Variants in CSMD1 observed in about 807,000 individuals in gnomAD.
CSMD1 encodes CUB and Sushi multiple domains 1.
In CSMD1, 213 loss-of-function variants were observed where a neutral mutation model predicts 417.5. The ratio of observed to expected loss-of-function variants is 0.51; its 90% CI spans 0.46 to 0.57. CSMD1 has a LOEUF of 0.57. Ranked by LOEUF, CSMD1 falls within the 20% of genes least tolerant of loss-of-function variation. The probability of loss-of-function intolerance (pLI) is 0.00; values close to 1 mark genes in which losing one functional copy is unlikely to be tolerated. For synonymous variants in CSMD1, 2,862 were observed against 1,736.8 expected, an observed-to-expected ratio of 1.65 and a Z score of -16.11; for missense variants, 6,923 against 4,529.7, an observed-to-expected ratio of 1.53 and a Z score of -15.17.
chr8:4,693,042 C>G (rs1451427713), intron 1 of CSMD1, among the ~76,000 whole-genome samples: 1 of 152,194 alleles, frequency 6.6e-6, no homozygotes, highest in African/African-American at 2.4e-5. Flanking sequence ...CCAATCTTCT[C>G]TGGGTGCTGT....
intron 5 of CSMD1, among the ~76,000 whole-genome samples, chr8:3,813,368 TA>T (rs1427820751): frequency 6.6e-6 from 1 of 152,152 alleles, no homozygotes; most frequent in Non-Finnish European, 1.5e-5. Flanking sequence ...TGATGTGAAG[TA>T]AATAAACAGT....
intron 3 of CSMD1, among the ~76,000 whole-genome samples, chr8:4,295,769 T>TATATATATATATAC: frequency 5.3e-5 from 2 of 37,404 alleles, no homozygotes; most frequent in South Asian, 4.4e-3. Context: ...TATATATATA[T>TATATATATATATAC]ATATATATAT....
chr8:3,217,860 A>AT (rs1443744542), intron 29 of CSMD1, among the ~76,000 whole-genome samples: 1 of 152,130 alleles, frequency 6.6e-6, no homozygotes, highest in Non-Finnish European at 1.5e-5. Context: ...TTTTAAAAAG[A>AT]TTTTTCACAC....
At chr8:3,041,207 A>G (rs1380003899) in intron 50 of CSMD1, among the ~76,000 whole-genome samples, 2 of 152,216 alleles carry the variant, frequency 1.3e-5, no homozygotes, top group Non-Finnish European at 2.9e-5. Context: ...GTTAAAGCAA[A>G]TAATTTAGAA....
Position 2,938,825 on chromosome 8 carries a change from C to A in CSMD1, c.10536-81G>T, listed in dbSNP as rs1420273928. 3 of 1,278,146 alleles carry A rather than the reference C, an allele frequency of 2.3e-6. No individual in the cohort carries two copies. In the South Asian group the frequency reaches 4.2e-5, roughly 18 times the overall value. The allele number at this position is 1,278,146 out of a possible 1,614,324, so 79.2% of individuals were successfully genotyped here. A position where few individuals can be genotyped will look rare whatever the true frequency, so the allele number is the denominator to read the frequency against. On this transcript the variant is annotated intron_variant, in intron 69 of 69. Coordinates refer to ENST00000635120, the MANE Select transcript of CSMD1 (RefSeq NM_033225.6). Reference sequence around the variant, plus strand: ...AGCTGGGACTGTGTGCAGGAGACAACGTCTACAGAGCAGGGAGCAGTATAG... The same window carrying A: ...AGCTGGGACTGTGTGCAGGAGACAAAGTCTACAGAGCAGGGAGCAGTATAG...
At chr8:2,941,094 T>C (rs561487580) in intron 69 of CSMD1, among the ~76,000 whole-genome samples, 1 of 152,312 alleles carries the variant, frequency 6.6e-6, no homozygotes, top group South Asian at 2.1e-4. Context: ...CTTGTGTGTA[T>C]TGGGTATTTT....
chr8:4,804,232 T>C (rs1306899822), intron 1 of CSMD1, among the ~76,000 whole-genome samples: 2 of 152,150 alleles, frequency 1.3e-5, no homozygotes, highest in African/African-American at 2.4e-5. Flanking sequence ...TGAGTTAAAA[T>C]ACACCTTCTA....
At chr8:3,295,860 C>A (rs7825824) in intron 25 of CSMD1, among the ~76,000 whole-genome samples, 1 of 152,090 alleles carries the variant, frequency 6.6e-6, no homozygotes, top group African/African-American at 2.4e-5. Context: ...AAGACGTTCC[C>A]TTTTTGATTT....
intron 3 of CSMD1, among the ~76,000 whole-genome samples, chr8:4,065,609 G>A (rs183116354): frequency 4.6e-5 from 7 of 152,190 alleles, no homozygotes; most frequent in African/African-American, 1.7e-4. Context: ...ATGTAAAGGA[G>A]ACTCATGAAT....
intron 5 of CSMD1, among the ~76,000 whole-genome samples, chr8:3,829,542 G>C (rs1802249890): frequency 1.3e-5 from 2 of 152,240 alleles, no homozygotes; most frequent in Middle Eastern, 3.4e-3. Context: ...ACATGAGTTT[G>C]GGAGAGTTGC....
At chr8:4,788,718 T>A (rs1797538273) in intron 1 of CSMD1, 5 of 472,532 alleles carry the variant, frequency 1.1e-5, no homozygotes, top group Non-Finnish European at 1.9e-5. Context: ...AATCAATGCT[T>A]CTCTAGATCC....
At chr8:4,114,829 G>A (rs1211362332) in intron 3 of CSMD1, among the ~76,000 whole-genome samples, 1 of 152,166 alleles carries the variant, frequency 6.6e-6, no homozygotes, top group Non-Finnish European at 1.5e-5. Context: ...ATTAGAAGGG[G>A]AGGCTGAAGA....
chr8:3,821,334 A>G lies in CSMD1; in HGVS notation c.819-67292T>C, dbSNP rs974556820. The stretch of plus-strand genomic sequence containing the variant: ...TATTCTCAAGTATTATGCACTGTAC[A>G]TAAGTAGATGCATGAGACCCGTCTA... On this transcript the variant is annotated intron_variant, in intron 5 of 69. Coordinates refer to ENST00000635120, the MANE Select transcript of CSMD1 (RefSeq NM_033225.6). Among the ~76,000 whole-genome samples the G allele has an allele frequency of 2.6e-5, 4 of 152,352 alleles. No homozygotes were observed. In the East Asian group the frequency reaches 5.8e-4, roughly 22 times the overall value.
intron 50 of CSMD1, among the ~76,000 whole-genome samples, chr8:3,037,117 C>T (rs1279912793): frequency 6.6e-6 from 1 of 152,182 alleles, no homozygotes; most frequent in East Asian, 1.9e-4. Context: ...GAATAATGGC[C>T]TCCAGCTCCA....
chr8:3,484,176 A>G, intron 11 of CSMD1, among the ~76,000 whole-genome samples: 1 of 152,260 alleles, frequency 6.6e-6, no homozygotes, highest in East Asian at 1.9e-4. Flanking sequence ...TCCGCCTGAT[A>G]TTAACATTTA....
At position 3,868,295 on chromosome 8, in the gene CSMD1, T is replaced by A. The variant is rs982614990; in HGVS notation, c.819-114253A>T. The stretch of plus-strand genomic sequence containing the variant: ...AAGTGTGCCTTTTCAGTCGCCCTGC[T>A]TGCAGGAGAGATTTCATTTTCACCC... On this transcript the variant is annotated intron_variant, in intron 5 of 69. Coordinates refer to ENST00000635120, the MANE Select transcript of CSMD1 (RefSeq NM_033225.6). Among the ~76,000 whole-genome samples, 7 of 152,102 alleles carry A rather than the reference T, an allele frequency of 4.6e-5. No individual in the cohort carries two copies. In the South Asian group the frequency reaches 1.4e-3, roughly 32 times the overall value.
chr8:3,886,083 C>T (rs904522893), intron 5 of CSMD1, among the ~76,000 whole-genome samples: 1 of 151,904 alleles, frequency 6.6e-6, no homozygotes, highest in African/African-American at 2.4e-5. Flanking sequence ...CAGACTCTTG[C>T]TCTGTCGCCT....
chr8:4,240,115 T>C (rs972710129), intron 3 of CSMD1, among the ~76,000 whole-genome samples: 1 of 152,236 alleles, frequency 6.6e-6, no homozygotes, highest in African/African-American at 2.4e-5. Flanking sequence ...ATGTTGATTG[T>C]TATTTTTCTA....
At chr8:3,179,092 C>T (rs574651433) in intron 37 of CSMD1, among the ~76,000 whole-genome samples, 2 of 151,224 alleles carry the variant, frequency 1.3e-5, no homozygotes, top group East Asian at 2.0e-4. Context: ...GGACTACAGG[C>T]CCGCCACCAC....
Sources: allele counts gnomAD v4.1 joint callset (sites outside exome capture counted in the v4.1 genomes callset), GRCh38; gene constraint gnomAD v4.1.1; transcripts MANE v1.5; gene names NCBI Gene and HGNC (gene_info 2026-07-23, HGNC 2026-07-21).